Variants in TAAR2 observed in about 807,000 individuals in gnomAD.
TAAR2 encodes the protein trace amine-associated receptor 2.
Under a neutral mutation model 25.5 loss-of-function variants are expected in TAAR2, and 30 were observed. The observed-to-expected ratio is 1.18, with a 90% CI of 0.88 to 1.60. The LOEUF (loss-of-function observed/expected upper bound fraction) is 1.60, where lower values mean the gene tolerates loss of function less well. Ranked by LOEUF, TAAR2 falls within the 40% of genes most tolerant of loss-of-function variation. The pLI, the probability that TAAR2 is intolerant of heterozygous loss-of-function variation, is 0.00. For missense variants in TAAR2, 481 were observed against 416.5 expected, an observed-to-expected ratio of 1.15 and a Z score of -1.35; for synonymous variants, 150 against 142.4, an observed-to-expected ratio of 1.05 and a Z score of -0.38.
chr6:132,620,885 C>CA (rs1186589488), intron 1 of TAAR2, among the ~76,000 whole-genome samples: 83 of 123,870 alleles, frequency 6.7e-4, no homozygotes, highest in African/African-American at 2.2e-3. Flanking sequence ...TTGTCACACA[C>CA]AAAAAAAAAG....
At chr6:132,619,053 CAG>C (rs1425750876) in intron 1 of TAAR2, among the ~76,000 whole-genome samples, 2 of 152,204 alleles carry the variant, frequency 1.3e-5, no homozygotes, top group African/African-American at 2.4e-5. Flanking sequence ...AGCATGGCAT[CAG>C]CCAAAGCAGC....
At chr6:132,623,639 C>T (rs768286826) in intron 1 of TAAR2, among the ~76,000 whole-genome samples, 3 of 150,246 alleles carry the variant, frequency 2.0e-5, no homozygotes, top group Non-Finnish European at 4.4e-5. Flanking sequence ...ACCAGAAGAC[C>T]TAAACTATGT....
At chr6:132,621,333 G>T (rs1270367334) in intron 1 of TAAR2, among the ~76,000 whole-genome samples, 1 of 152,044 alleles carries the variant, frequency 6.6e-6, no homozygotes, top group Non-Finnish European at 1.5e-5. Context: ...TGCCATGGTG[G>T]TTTGCTGCAG....
At chr6:132,624,177 G>A (rs1309978912) in intron 1 of TAAR2, 39 bp downstream of exon 1, 1 of 1,587,184 alleles carries the variant, frequency 6.3e-7, no homozygotes, top group South Asian at 1.1e-5. Flanking sequence ...CTTCTCAGAT[G>A]CTACTGGTTT....
intron 1 of TAAR2, among the ~76,000 whole-genome samples, chr6:132,620,809 T>TAA (rs1777361012): frequency 2.6e-5 from 2 of 77,916 alleles, no homozygotes; most frequent in Non-Finnish European, 2.3e-5. Flanking sequence ...AAATAAAAGT[T>TAA]AAAAAACACA....
intron 1 of TAAR2, among the ~76,000 whole-genome samples, chr6:132,621,092 A>G (rs1471290742): frequency 6.6e-6 from 1 of 151,998 alleles, no homozygotes; most frequent in Non-Finnish European, 1.5e-5. Context: ...TAAAAAGCGT[A>G]GGAAATCCAA....
intron 1 of TAAR2, among the ~76,000 whole-genome samples, chr6:132,618,809 T>A (rs1777336663): frequency 6.6e-6 from 1 of 152,358 alleles, no homozygotes; most frequent in East Asian, 1.9e-4. Context: ...ATACATGTAC[T>A]TCTTCCTCCA....
At chr6:132,620,985 C>T (rs746282018) in intron 1 of TAAR2, among the ~76,000 whole-genome samples, 26 of 151,918 alleles carry the variant, frequency 1.7e-4, no homozygotes, top group Non-Finnish European at 3.7e-4. Flanking sequence ...TAGCCACCTA[C>T]TGACCAGTTA....
intron 1 of TAAR2, among the ~76,000 whole-genome samples, chr6:132,622,813 T>C (rs553320330): frequency 7.2e-4 from 110 of 152,230 alleles, no homozygotes; most frequent in African/African-American, 2.5e-3. Flanking sequence ...TTAATGGATT[T>C]CACTATGTCT....
chr6:132,624,254 G>C lies in TAAR2; in HGVS notation c.22C>G (p.His8Asp), dbSNP rs150407023. MAVSSEQ[H>D]ELSHFKRTQT... ...GTTCTTTTGAAATGTGAAAGTTCAT[G>C]TTGCTCTGATGAGACAGCCATGGGA... Residue 8 changes from histidine to aspartate, a missense_variant, in exon 1 of 2, where the codon CAT (histidine) becomes GAT (aspartate). Transcript: ENST00000367931. The C allele has an allele frequency of 2.7e-5, 44 of 1,613,406 alleles. No individual in the cohort carries two copies. The highest frequency in any genetic ancestry group is 6.7e-5 in the Admixed American group (4 of 59,906).
chr6:132,618,457 T>C (rs1055765921), intron 1 of TAAR2, among the ~76,000 whole-genome samples: 6 of 152,048 alleles, frequency 3.9e-5, no homozygotes, highest in Non-Finnish European at 5.9e-5. Flanking sequence ...CTGGCCAACA[T>C]GGTGAAACCC....
chr6:132,623,093 C>T (rs1336476061), intron 1 of TAAR2, among the ~76,000 whole-genome samples: 5 of 151,984 alleles, frequency 3.3e-5, no homozygotes, highest in East Asian at 1.9e-4. Flanking sequence ...GGTTCAAGTA[C>T]ACATTTGACC....
chr6:132,617,793 G>A lies in TAAR2; in HGVS notation c.413C>T (p.Ala138Val), dbSNP rs754707698. ...ITSIFHLCSVAIDRFYAICYP... is the reference protein window; with the variant it reads ...ITSIFHLCSVVIDRFYAICYP... ...ACATATAGCATAAAATCTATCAATGGCCACTGAGCAAAGATGAAAAATGGA... is the reference window on the plus strand; with the variant it reads ...ACATATAGCATAAAATCTATCAATGACCACTGAGCAAAGATGAAAAATGGA... Residue 138 changes from alanine (A) to valine (V), a missense_variant, in exon 2 of 2, where the codon GCC becomes GTC. By Grantham distance (64) the Ala-to-Val change is moderately conservative. Transcript: ENST00000367931. The A allele has an allele frequency of 3.1e-6, 5 of 1,613,886 alleles. No homozygotes were observed. The African/African-American group carries it at 5.3e-5, about 17-fold the overall frequency.
chr6:132,618,117 T>A lies in TAAR2; in HGVS notation c.89A>T (p.Asn30Ile), dbSNP rs751248314. The change falls in exon 2 of 2, where the codon AAT (asparagine) becomes ATT (isoleucine). Residue 30 changes from asparagine (N) to isoleucine (I), a missense_variant. Physicochemically the swap from Asn to Ile is moderately radical, Grantham distance 149 (BLOSUM62 -3). Coordinates refer to ENST00000367931, the MANE Select transcript of TAAR2 (RefSeq NM_001033080.1). Reference sequence around the variant, plus strand: ...TCTTTCATTTTCTGGGCAAGATCTATTTCCATATTCAGAGCAATTGAATTT... The same window carrying A: ...TCTTTCATTTTCTGGGCAAGATCTAATTCCATATTCAGAGCAATTGAATTT... Reference protein sequence around the residue: ...KEKFNCSEYGNRSCPENERSL... With the variant: ...KEKFNCSEYGIRSCPENERSL... The A allele has an allele frequency of 3.7e-5, 60 of 1,608,378 alleles. No homozygotes were observed. Among genetic ancestry groups the A allele is most frequent in the Non-Finnish European group, 4.7e-5 (55 of 1,177,360 alleles).
chr6:132,617,201 G>T lies in TAAR2; in HGVS notation c.1005C>A (p.Phe335Leu). Residue 335 changes from phenylalanine to leucine, a missense_variant, in exon 2 of 2, where the codon TTC becomes TTA. By Grantham distance (22) the Phe-to-Leu change is conservative. Coordinates refer to ENST00000367931, the MANE Select transcript of TAAR2 (RefSeq NM_001033080.1). ...ALKYILLGKI[F>L]SSCFHNTILC... ...AAATAGTATTATGGAAACATGAGCT[G>T]AAAATTTTACCTAGCAAAATGTACT... The T allele has an allele frequency of 6.2e-7, 1 of 1,605,944 alleles. No homozygotes were observed. The highest frequency in any genetic ancestry group is 1.1e-5 in the South Asian group (1 of 88,312).
chr6:132,621,735 A>G (rs1777377803), intron 1 of TAAR2, among the ~76,000 whole-genome samples: 1 of 152,186 alleles, frequency 6.6e-6, no homozygotes, highest in Non-Finnish European at 1.5e-5. Flanking sequence ...TCTAAGTACT[A>G]ACGTTCTTGA....
chr6:132,621,822 T>G (rs1050062603), intron 1 of TAAR2, among the ~76,000 whole-genome samples: 2 of 152,170 alleles, frequency 1.3e-5, no homozygotes, highest in East Asian at 3.9e-4. Flanking sequence ...GTATATCAGA[T>G]GATTATTTGA....
chr6:132,618,075 A>G lies in TAAR2; in HGVS notation c.131T>C (p.Val44Ala), dbSNP rs759572402. ...PENERSLGVRVAMYSFMAGSI... is the reference protein window; with the variant it reads ...PENERSLGVRAAMYSFMAGSI... ...TCCTGCCATAAATGAATACATAGCC[A>G]CTCGGACACCCAGAGATCTTTCATT... Residue 44 changes from valine to alanine, a missense_variant, in exon 2 of 2, where the codon GTG (valine) becomes GCG (alanine). Val to Ala is a moderately conservative substitution (Grantham distance 64). Transcript: ENST00000367931. 1.2e-6 allele frequency: 2 copies of G among 1,613,888 alleles called. No individual in the cohort carries two copies. Among genetic ancestry groups the G allele is most frequent in the South Asian group, 2.2e-5 (2 of 91,052 alleles).
intron 1 of TAAR2, among the ~76,000 whole-genome samples, chr6:132,622,698 A>C (rs1403519064): frequency 1.3e-5 from 2 of 151,778 alleles, no homozygotes; most frequent in South Asian, 4.2e-4. Flanking sequence ...GTTAGCCAGG[A>C]TGGTCTCCAT....
Sources: gnomAD v4.1 joint callset for allele counts (sites outside exome capture counted in the v4.1 genomes callset) on GRCh38, gnomAD v4.1.1 for gene constraint, MANE v1.5 for transcripts, NCBI Gene and HGNC (gene_info 2026-07-23, HGNC 2026-07-21) for gene names.